The following SLC30A10 variants were observed in gnomAD, a reference collection of about 807,000 sequenced individuals.
SLC30A10 encodes the protein calcium/manganese antiporter SLC30A10.
Under a neutral mutation model 21.7 loss-of-function variants are expected in SLC30A10, and 8 were observed. The observed-to-expected ratio is 0.37, with a 90% CI of 0.22 to 0.67. The LOEUF is 0.67. SLC30A10 is among the 30% of genes least tolerant of loss of function. The probability of loss-of-function intolerance (pLI) is 0.58; values close to 1 mark genes in which losing one functional copy is unlikely to be tolerated. For missense variants in SLC30A10, 521 were observed against 642.5 expected, an observed-to-expected ratio of 0.81 and a Z score of 2.04; for synonymous variants, 272 against 279.4, an observed-to-expected ratio of 0.97 and a Z score of 0.26.
intron 1 of SLC30A10, among the ~76,000 whole-genome samples, chr1:219,927,447 G>T (rs183521455): frequency 6.6e-6 from 1 of 151,904 alleles, no homozygotes; most frequent in Non-Finnish European, 1.5e-5. Flanking sequence ...GGGAGGAGGG[G>T]TTGGAGAGTC....
chr1:219,924,826 A>C (rs751227806), intron 2 of SLC30A10, among the ~76,000 whole-genome samples: 6 of 152,208 alleles, frequency 3.9e-5, no homozygotes, highest in South Asian at 2.1e-4. Flanking sequence ...ATTTCAAAGC[A>C]ATCCCATAAG....
At chr1:219,955,287 A>G (rs1343891095) in intron 1 of SLC30A10, among the ~76,000 whole-genome samples, 1 of 151,996 alleles carries the variant, frequency 6.6e-6, no homozygotes, top group Non-Finnish European at 1.5e-5. Flanking sequence ...TAATGCTCGT[A>G]TTTTTTACTT....
chr1:219,952,963 A>T (rs1206827027), intron 1 of SLC30A10, among the ~76,000 whole-genome samples: 1 of 152,150 alleles, frequency 6.6e-6, no homozygotes, highest in East Asian at 1.9e-4. Context: ...AAGAGAAGTA[A>T]GAGGTTAGGT....
intron 1 of SLC30A10, among the ~76,000 whole-genome samples, chr1:219,934,162 C>T (rs1278448974): frequency 6.6e-6 from 1 of 152,168 alleles, no homozygotes; most frequent in Non-Finnish European, 1.5e-5. Flanking sequence ...GTGGTGGGCA[C>T]CTGTAGTGCC....
chr1:219,948,458 C>T (rs965279151), intron 1 of SLC30A10, among the ~76,000 whole-genome samples: 7 of 152,240 alleles, frequency 4.6e-5, no homozygotes, highest in Admixed American at 1.3e-4. Context: ...AATAATGCCA[C>T]GTATCTACAA....
chr1:219,921,678 AT>A (rs77983189), intron 2 of SLC30A10, among the ~76,000 whole-genome samples: 67,984 of 151,756 alleles, frequency 0.45, 15,391 homozygotes, highest in South Asian at 0.51. Context: ...ATTATAATTA[AT>A]TTTCTACTAA....
intron 1 of SLC30A10, among the ~76,000 whole-genome samples, chr1:219,938,687 G>A (rs904707644): frequency 4.6e-5 from 7 of 152,030 alleles, no homozygotes; most frequent in Non-Finnish European, 8.8e-5. Context: ...CATATCTTAT[G>A]TTATCAATTG....
upstream of SLC30A10, among the ~76,000 whole-genome samples, chr1:219,932,220 C>T (rs113161655): frequency 0.13 from 19,480 of 150,348 alleles, 1,601 homozygotes; most frequent in African/African-American, 0.24. Flanking sequence ...CCTGCCACCA[C>T]GCCCAGCTAA....
intron 2 of SLC30A10, among the ~76,000 whole-genome samples, chr1:219,924,223 C>G (rs1257714202): frequency 6.6e-6 from 1 of 152,154 alleles, no homozygotes; most frequent in Non-Finnish European, 1.5e-5. Flanking sequence ...CTTTCTAAAG[C>G]AGTTGCTTAA....
intron 3 of SLC30A10, among the ~76,000 whole-genome samples, chr1:219,917,214 C>G (rs1659565251): frequency 6.6e-6 from 1 of 152,050 alleles, no homozygotes; most frequent in Non-Finnish European, 1.5e-5. Context: ...TGGTCTTGAA[C>G]TCCTGGCCTT....
chr1:219,951,732 G>A (rs960557834), intron 1 of SLC30A10, among the ~76,000 whole-genome samples: 1 of 150,078 alleles, frequency 6.7e-6, no homozygotes, highest in Non-Finnish European at 1.5e-5. Flanking sequence ...AAAAAAAAAA[G>A]AAAAGAAAAG....
At chr1:219,934,863 A>G (rs1254330261) in intron 1 of SLC30A10, among the ~76,000 whole-genome samples, 2 of 152,204 alleles carry the variant, frequency 1.3e-5, no homozygotes, top group East Asian at 1.9e-4. Context: ...TACCATCTCC[A>G]GGTCACAAGG....
At chr1:219,958,089 G>A (rs532966570) in intron 1 of SLC30A10, among the ~76,000 whole-genome samples, 11 of 152,144 alleles carry the variant, frequency 7.2e-5, no homozygotes, top group South Asian at 6.2e-4. Context: ...GTTAATCAGC[G>A]TACCTGATTG....
chr1:219,925,509 G>A (rs1659792678), intron 2 of SLC30A10, among the ~76,000 whole-genome samples: 1 of 150,654 alleles, frequency 6.6e-6, no homozygotes, highest in Non-Finnish European at 1.5e-5. Context: ...ACTCCAGCCT[G>A]GGAGACAGAG....
intron 1 of SLC30A10, among the ~76,000 whole-genome samples, chr1:219,950,845 G>A (rs1197577479): frequency 6.6e-6 from 1 of 152,074 alleles, no homozygotes; most frequent in African/African-American, 2.4e-5. Context: ...CTACTCAGAA[G>A]GCTGAGGCAG....
chr1:219,943,011 C>T (rs2102543438), intron 1 of SLC30A10, among the ~76,000 whole-genome samples: 1 of 152,220 alleles, frequency 6.6e-6, no homozygotes, highest in South Asian at 2.1e-4. Flanking sequence ...TGCCACTGCA[C>T]TCTAGCCTCA....
rs1257640243 is a variant in SLC30A10 at position 219,927,908 on chromosome 1, C to T, written c.533G>A (p.Arg178His). 6.5e-7 allele frequency: 1 copy of T among 1,538,446 alleles called. No individual in the cohort carries two copies. Residue 178 changes from arginine to histidine, a missense_variant, in exon 1 of 4, where the codon CGC becomes CAC. Physicochemically the swap from Arg to His is conservative, Grantham distance 29. Coordinates refer to ENST00000366926, the MANE Select transcript of SLC30A10 (RefSeq NM_018713.3). ...GCCTGGGGCTGTCGGGTCCGCCGCG[C>T]GCCGCGGGTCCTCCGCGCCCTGAGG... is the stretch of plus-strand genomic sequence containing the variant. ...GGPQGAEDPRRAADPTAPGSD... is the reference protein window; with the variant it reads ...GGPQGAEDPRHAADPTAPGSD...
intron 1 of SLC30A10, among the ~76,000 whole-genome samples, chr1:219,957,055 T>C (rs1660363656): frequency 6.6e-6 from 1 of 152,206 alleles, no homozygotes; most frequent in Non-Finnish European, 1.5e-5. Context: ...ATTTGTCTTA[T>C]ATGAAATATG....
At chr1:219,954,024 A>G (rs1343392433) in intron 1 of SLC30A10, among the ~76,000 whole-genome samples, 3 of 151,956 alleles carry the variant, frequency 2.0e-5, no homozygotes, top group Non-Finnish European at 2.9e-5. Flanking sequence ...TATTTACTCC[A>G]TAGTATTTGC....
Sources: allele counts gnomAD v4.1 joint callset (sites outside exome capture counted in the v4.1 genomes callset), GRCh38; gene constraint gnomAD v4.1.1; transcripts MANE v1.5; gene names NCBI Gene and HGNC (gene_info 2026-07-23, HGNC 2026-07-21).